Variants in COL8A1 observed in about 807,000 individuals in gnomAD.
The protein encoded by COL8A1 is collagen type VIII alpha 1 chain.
Under a neutral mutation model 42.7 loss-of-function variants are expected in COL8A1, and 21 were observed. The observed-to-expected ratio is 0.49, with a 90% CI of 0.35 to 0.71. The LOEUF (loss-of-function observed/expected upper bound fraction) is 0.71. COL8A1 is among the 30% of genes least tolerant of loss of function. The pLI is 0.01. For synonymous variants in COL8A1, 367 were observed against 369.1 expected, an observed-to-expected ratio of 0.99 and a Z score of 0.06; for missense variants, 788 against 962.4, an observed-to-expected ratio of 0.82 and a Z score of 2.40.
Position 99,786,298 on chromosome 3 carries a change from G to A in COL8A1, c.-3-4382G>A, listed in dbSNP as rs1040937863. Among the ~76,000 whole-genome samples, 4 of 152,182 alleles carry A rather than the reference G, an allele frequency of 2.6e-5. No individual in the cohort carries two copies. The East Asian group carries it at 5.8e-4, about 22-fold the overall frequency. On this transcript the variant is annotated intron_variant, in intron 2 of 3. Transcript: ENST00000652472. Reference sequence around the variant, plus strand: ...ATGTTAAAATATGACACCCCCCTCCGAAAGTGATGGTATTAGGAGGTGGGG... The same window carrying A: ...ATGTTAAAATATGACACCCCCCTCCAAAAGTGATGGTATTAGGAGGTGGGG...
At chr3:99,752,427 G>C (rs1262147450) in intron 2 of COL8A1, among the ~76,000 whole-genome samples, 1 of 151,842 alleles carries the variant, frequency 6.6e-6, no homozygotes, top group Non-Finnish European at 1.5e-5. Context: ...TTCCCTTCAA[G>C]CAAAACTCTT....
chr3:99,684,004 T>C (rs976774203), intron 1 of COL8A1, among the ~76,000 whole-genome samples: 2 of 152,192 alleles, frequency 1.3e-5, no homozygotes, highest in African/African-American at 4.8e-5. Context: ...TTTTAGTGAA[T>C]TGACTATGTA....
chr3:99,641,734 C>A (rs929589641), intron 1 of COL8A1, among the ~76,000 whole-genome samples: 1 of 152,098 alleles, frequency 6.6e-6, no homozygotes. Context: ...TCCAAGTAAC[C>A]CTCTGGGAGC....
chr3:99,759,633 C>A (rs1030160994), intron 2 of COL8A1, among the ~76,000 whole-genome samples: 1 of 152,076 alleles, frequency 6.6e-6, no homozygotes, highest in Non-Finnish European at 1.5e-5. Context: ...TCAGATTAAC[C>A]AATGTTTTTT....
chr3:99,651,296 C>T (rs772196644), intron 1 of COL8A1, among the ~76,000 whole-genome samples: 5 of 152,234 alleles, frequency 3.3e-5, no homozygotes, highest in African/African-American at 1.2e-4. Context: ...TCTACAGAGA[C>T]AGACTATACC....
chr3:99,669,146 T>TATATATATATATATATATATATATAGAG, intron 1 of COL8A1, among the ~76,000 whole-genome samples: 9 of 115,382 alleles, frequency 7.8e-5, no homozygotes, highest in East Asian at 3.1e-4. Context: ...TATATATATA[T>TATATATATATATATATATATATATAGAG]AGAGGGAGAG....
At chr3:99,765,271 A>G (rs1362595328) in intron 2 of COL8A1, among the ~76,000 whole-genome samples, 4 of 152,170 alleles carry the variant, frequency 2.6e-5, no homozygotes, top group Admixed American at 1.3e-4. Context: ...AGAGACTTCA[A>G]TCTTAGCTCC....
At chr3:99,710,094 G>A (rs948257442) in intron 1 of COL8A1, among the ~76,000 whole-genome samples, 1 of 152,188 alleles carries the variant, frequency 6.6e-6, no homozygotes, top group African/African-American at 2.4e-5. Flanking sequence ...ATGCATGTAT[G>A]TGTGCATGTG....
intron 1 of COL8A1, among the ~76,000 whole-genome samples, chr3:99,704,317 A>G (rs1576439410): frequency 6.6e-6 from 1 of 152,190 alleles, no homozygotes; most frequent in Admixed American, 6.5e-5. Flanking sequence ...TTAACACTTT[A>G]AAGGGAAAGC....
chr3:99,654,521 C>T (rs1937950842), intron 1 of COL8A1, among the ~76,000 whole-genome samples: 1 of 152,130 alleles, frequency 6.6e-6, no homozygotes, highest in Non-Finnish European at 1.5e-5. Context: ...GGAACATTGG[C>T]TCACACCTGT....
At position 99,698,328 on chromosome 3, in the gene COL8A1, A is replaced by T. The variant is rs575764272; in HGVS notation, c.-128-46569A>T. Among the ~76,000 whole-genome samples, 161 of 152,326 alleles carry T rather than the reference A, an allele frequency of 1.1e-3. 1 individual carries two copies. The highest frequency in any genetic ancestry group is 2.6e-3 in the Admixed American group (40 of 15,300). Reference sequence around the variant, plus strand: ...ATGATTTATAATCCTTTGGGTATATACCCAGTAATGGGATGGCTGGATCAA... The same window carrying T: ...ATGATTTATAATCCTTTGGGTATATTCCCAGTAATGGGATGGCTGGATCAA... On this transcript the variant is annotated intron_variant, in intron 1 of 3. Coordinates refer to ENST00000652472, the MANE Select transcript of COL8A1 (RefSeq NM_020351.4).
At chr3:99,760,156 G>C (rs1941339898) in intron 2 of COL8A1, among the ~76,000 whole-genome samples, 1 of 152,068 alleles carries the variant, frequency 6.6e-6, no homozygotes, top group South Asian at 2.1e-4. Flanking sequence ...AGTTTTCCTT[G>C]TTTTATTTTG....
At chr3:99,747,210 T>C (rs931166797) in intron 2 of COL8A1, among the ~76,000 whole-genome samples, 5 of 152,228 alleles carry the variant, frequency 3.3e-5, no homozygotes, top group African/African-American at 1.2e-4. Context: ...TCCTGAATGA[T>C]AGAACATAGA....
At chr3:99,721,506 G>A (rs1289325556) in intron 1 of COL8A1, among the ~76,000 whole-genome samples, 6 of 151,838 alleles carry the variant, frequency 4.0e-5, no homozygotes, top group Admixed American at 3.9e-4. Context: ...TCAGGGCTGA[G>A]AGAGAGAGGA....
At chr3:99,713,964 G>C (rs183998446) in intron 1 of COL8A1, among the ~76,000 whole-genome samples, 179 of 152,188 alleles carry the variant, frequency 1.2e-3, no homozygotes, top group Non-Finnish European at 1.9e-3. Flanking sequence ...GCTCTGATGA[G>C]AGGGGAGGAG....
intron 1 of COL8A1, among the ~76,000 whole-genome samples, chr3:99,700,917 T>TA (rs748261875): frequency 5.0e-4 from 76 of 152,304 alleles, no homozygotes; most frequent in Non-Finnish European, 9.8e-4. Context: ...CTGCCTGACT[T>TA]ACACTTGGTA....
Position 99,662,368 on chromosome 3 carries a change from C to A in COL8A1, c.-129+23704C>A, listed in dbSNP as rs960844543. Among the ~76,000 whole-genome samples, 3 of 134,088 alleles carry A rather than the reference C, an allele frequency of 2.2e-5. No individual in the cohort carries two copies. In the South Asian group the frequency reaches 7.7e-4, roughly 34 times the overall value. 88.0% of individuals were successfully genotyped at this position (134,088 alleles called of 152,430 possible). ...CTGCACTCCAGCCTGGGCGACAGGG[C>A]GAGACTTTGTCTCAAAAAAAAAAAA... On this transcript the variant is annotated intron_variant, in intron 1 of 3. Coordinates refer to ENST00000652472, the MANE Select transcript of COL8A1 (RefSeq NM_020351.4).
intron 2 of COL8A1, among the ~76,000 whole-genome samples, chr3:99,776,479 T>G (rs1359590681): frequency 1.3e-5 from 2 of 152,128 alleles, no homozygotes; most frequent in South Asian, 2.1e-4. Context: ...TGTGTGGTCA[T>G]GAGCTCAGGG....
chr3:99,642,100 G>T (rs1461731010), intron 1 of COL8A1, among the ~76,000 whole-genome samples: 5 of 152,102 alleles, frequency 3.3e-5, no homozygotes, highest in African/African-American at 4.8e-5. Context: ...TTAACAGCAG[G>T]TTACACCCCA....
Sources: gnomAD v4.1 joint callset for allele counts (sites outside exome capture counted in the v4.1 genomes callset) on GRCh38, gnomAD v4.1.1 for gene constraint, MANE v1.5 for transcripts, NCBI Gene and HGNC (gene_info 2026-07-23, HGNC 2026-07-21) for gene names.